TMEM182: variants seen among roughly 807,000 people sequenced by gnomAD.
The protein encoded by TMEM182 is transmembrane protein 182.
TMEM182 carries 20 observed loss-of-function variants against 26.8 expected under a neutral mutation model. The ratio of observed to expected loss-of-function variants is 0.75; its 90% confidence interval spans 0.53 to 1.09. The LOEUF is 1.09. TMEM182 is among the 50% of genes least tolerant of loss of function. TMEM182 has a pLI of 0.00. For missense variants in TMEM182, 277 were observed against 275.5 expected, an observed-to-expected ratio of 1.01 and a Z score of -0.04; for synonymous variants, 109 against 102.2, an observed-to-expected ratio of 1.07 and a Z score of -0.40.
chr2:102,762,413 T>A, intron 1 of TMEM182, 64 bp downstream of exon 1: 4 of 1,600,686 alleles, frequency 2.5e-6, no homozygotes. Flanking sequence ...ATGTATGCTC[T>A]TGAAATCAGA....
chr2:102,778,540 A>G (rs1301279685), intron 3 of TMEM182, among the ~76,000 whole-genome samples: 2 of 151,984 alleles, frequency 1.3e-5, no homozygotes, highest in African/African-American at 4.8e-5. Context: ...ATTCTATCAT[A>G]TTGATTTTTG....
At chr2:102,837,752 A>G (rs1419342540) in intron 3 of TMEM182, among the ~76,000 whole-genome samples, 2 of 152,296 alleles carry the variant, frequency 1.3e-5, no homozygotes, top group East Asian at 3.9e-4. Context: ...CCTTGGGTCT[A>G]GCTGCACTCT....
At chr2:102,752,101 G>A (rs1319719302) in intron 1 of TMEM182, among the ~76,000 whole-genome samples, 2 of 152,154 alleles carry the variant, frequency 1.3e-5, no homozygotes, top group African/African-American at 4.8e-5. Context: ...GAATTTTAGA[G>A]GGACAGGATT....
chr2:102,815,753 C>A lies in TMEM182; in HGVS notation c.*785C>A. 1.1e-6 allele frequency: 1 copy of A among 940,570 alleles called. No homozygotes were observed. Among genetic ancestry groups the A allele is most frequent in the Non-Finnish European group, 1.3e-6 (1 of 789,298 alleles). The allele number at this position is 940,570 out of a possible 1,614,324, so 58.3% of individuals were successfully genotyped here. On this transcript the variant is annotated 3_prime_UTR_variant, in exon 5 of 5. Transcript: ENST00000412401. Reference sequence around the variant, plus strand: ...TAAAATATGTAAAAACCAAGCATTTCCGCTTGGTCCATAATTCTATTTGAT... The same window carrying A: ...TAAAATATGTAAAAACCAAGCATTTACGCTTGGTCCATAATTCTATTTGAT...
At chr2:102,812,983 T>C (rs542222634) in intron 4 of TMEM182, among the ~76,000 whole-genome samples, 1 of 152,342 alleles carries the variant, frequency 6.6e-6, no homozygotes, top group South Asian at 2.1e-4. Context: ...TATGGCGTTG[T>C]AAGGAGTTTG....
chr2:102,808,797 CAGGCATT>C (rs1037012997), intron 4 of TMEM182, among the ~76,000 whole-genome samples: 2 of 152,164 alleles, frequency 1.3e-5, no homozygotes, highest in Non-Finnish European at 2.9e-5. Context: ...AATGCATTCT[CAGGCATT>C]ATGTTGAGTA....
chr2:102,770,755 A>G (rs905664127), intron 3 of TMEM182, among the ~76,000 whole-genome samples: 1 of 152,196 alleles, frequency 6.6e-6, no homozygotes, highest in Non-Finnish European at 1.5e-5. Flanking sequence ...ATAGCCACCA[A>G]CAGAGCACAG....
chr2:102,753,770 C>T (rs1463265116), intron 1 of TMEM182, among the ~76,000 whole-genome samples: 1 of 152,112 alleles, frequency 6.6e-6, no homozygotes, highest in African/African-American at 2.4e-5. Context: ...GTATTCAAAC[C>T]AATTTAATTA....
chr2:102,766,090 A>G (rs545279183), intron 3 of TMEM182, among the ~76,000 whole-genome samples: 11 of 152,352 alleles, frequency 7.2e-5, no homozygotes, highest in Non-Finnish European at 1.6e-4. Context: ...AGGTATTAGC[A>G]TAAATACTAG....
At chr2:102,756,817 T>G (rs1425315834) in intron 1 of TMEM182, among the ~76,000 whole-genome samples, 1 of 133,904 alleles carries the variant, frequency 7.5e-6, no homozygotes, top group Non-Finnish European at 1.6e-5. Context: ...TCCCATTCTT[T>G]TTTCCTTTTT....
At chr2:102,838,587 G>A (rs571820074) in intron 3 of TMEM182, among the ~76,000 whole-genome samples, 1 of 152,276 alleles carries the variant, frequency 6.6e-6, no homozygotes, top group Non-Finnish European at 1.5e-5. Context: ...CTAATGGGGT[G>A]CCCCTTTCAT....
At chr2:102,776,941 TTTC>T (rs1410027048) in intron 3 of TMEM182, among the ~76,000 whole-genome samples, 3 of 152,148 alleles carry the variant, frequency 2.0e-5, no homozygotes, top group Non-Finnish European at 2.9e-5. Flanking sequence ...ACTATCTGTA[TTTC>T]TTCTTTTGTG....
chr2:102,800,002 C>A (rs1682048123), intron 4 of TMEM182, among the ~76,000 whole-genome samples: 1 of 151,776 alleles, frequency 6.6e-6, no homozygotes, highest in African/African-American at 2.4e-5. Context: ...TTCCTGAGCC[C>A]CAACAGTTTA....
At chr2:102,739,144 C>T (rs183856344) in intron 1 of TMEM182, among the ~76,000 whole-genome samples, 1 of 152,230 alleles carries the variant, frequency 6.6e-6, no homozygotes, top group Admixed American at 6.5e-5. Flanking sequence ...GAAAAGATTT[C>T]CAGATTATCA....
intron 4 of TMEM182, among the ~76,000 whole-genome samples, chr2:102,813,834 T>G (rs1351133666): frequency 6.6e-6 from 1 of 152,164 alleles, no homozygotes; most frequent in East Asian, 1.9e-4. Flanking sequence ...TACGTTGTAA[T>G]TGTTGCTAAA....
chr2:102,811,674 C>T (rs1181986543), intron 4 of TMEM182, among the ~76,000 whole-genome samples: 1 of 152,128 alleles, frequency 6.6e-6, no homozygotes, highest in Non-Finnish European at 1.5e-5. Context: ...CTGTGAGTTC[C>T]TATTTTATTC....
chr2:102,773,537 G>A (rs1366825005), intron 3 of TMEM182, among the ~76,000 whole-genome samples: 1 of 96,528 alleles, frequency 1.0e-5, no homozygotes, highest in African/African-American at 5.6e-5. Flanking sequence ...AACAACAGAA[G>A]CGAAGTGGAC....
At chr2:102,745,162 G>C (rs1679655508) in intron 1 of TMEM182, among the ~76,000 whole-genome samples, 1 of 149,924 alleles carries the variant, frequency 6.7e-6, no homozygotes, top group Admixed American at 6.6e-5. Context: ...CTATTGATCT[G>C]TGTTTACGTT....
At chr2:102,787,645 A>G (rs1301884777) in intron 3 of TMEM182, among the ~76,000 whole-genome samples, 2 of 152,222 alleles carry the variant, frequency 1.3e-5, no homozygotes, top group African/African-American at 2.4e-5. Flanking sequence ...AGAGGACTTC[A>G]GCATTTTTTC....
Sources: allele counts gnomAD v4.1 joint callset (sites outside exome capture counted in the v4.1 genomes callset), GRCh38; gene constraint gnomAD v4.1.1; transcripts MANE v1.5; gene names NCBI Gene and HGNC (gene_info 2026-07-23, HGNC 2026-07-21).